LARGE1: variants seen among roughly 807,000 people sequenced by gnomAD.
LARGE1 encodes the protein xylosyl- and glucuronyltransferase LARGE1.
LARGE1 carries 43 observed loss-of-function variants against 87.6 expected under a neutral mutation model. The observed-to-expected ratio is 0.49, with a 90% confidence interval of 0.38 to 0.63. The LOEUF is 0.63. Among genes scored for constraint, LARGE1 ranks in the 30% least tolerant of loss-of-function variants. The pLI, the probability that LARGE1 is intolerant of heterozygous loss-of-function variation, is 0.00. For missense variants in LARGE1, 802 were observed against 1,000.2 expected, an observed-to-expected ratio of 0.80 and a Z score of 2.67; for synonymous variants, 434 against 394.6, an observed-to-expected ratio of 1.10 and a Z score of -1.18.
intron 1 of LARGE1, among the ~76,000 whole-genome samples, chr22:33,847,417 T>C (rs1203246150): frequency 6.6e-6 from 1 of 152,240 alleles, no homozygotes; most frequent in Non-Finnish European, 1.5e-5. Flanking sequence ...TCAACTACCA[T>C]TGTTCTGAAA....
At chr22:33,527,599 T>G (rs1050171369) in intron 6 of LARGE1, among the ~76,000 whole-genome samples, 1 of 152,092 alleles carries the variant, frequency 6.6e-6, no homozygotes. Context: ...CCTGCATCGG[T>G]GTGACACCCA....
chr22:33,350,512 T>A (rs1056812982), intron 9 of LARGE1, among the ~76,000 whole-genome samples: 2 of 152,132 alleles, frequency 1.3e-5, no homozygotes, highest in African/African-American at 4.8e-5. Context: ...ATCCCACCTC[T>A]AGAGGTTGGC....
At chr22:33,712,503 C>T (rs537290803) in intron 2 of LARGE1, among the ~76,000 whole-genome samples, 1 of 152,152 alleles carries the variant, frequency 6.6e-6, no homozygotes, top group Non-Finnish European at 1.5e-5. Context: ...TCACACAGTC[C>T]ACTCCATCAT....
At chr22:33,743,013 G>A (rs1254478905) in intron 2 of LARGE1, 1 of 152,046 alleles carries the variant, frequency 6.6e-6, no homozygotes, top group Non-Finnish European at 1.5e-5. Flanking sequence ...TTCTCTTGGT[G>A]CGATCCTTGT....
intron 9 of LARGE1, among the ~76,000 whole-genome samples, chr22:33,346,295 C>T (rs561756170): frequency 7.0e-6 from 1 of 143,646 alleles, no homozygotes; most frequent in Admixed American, 7.0e-5. Flanking sequence ...CCTCCTCCTC[C>T]TTCTTCTTTT....
rs1024759698 is a variant in LARGE1, at chr22:33,369,851, G to A, written c.1131+12068C>T. On this transcript the variant is annotated intron_variant, in intron 9 of 14. Transcript: ENST00000397394. ...CCCAAAGTGCTAGGATTACAGGCGT[G>A]AGCCACTGTGCCTGGCCTAAATCAG... Among the ~76,000 whole-genome samples, 7 of 152,126 alleles carry A rather than the reference G, an allele frequency of 4.6e-5. No homozygotes were observed. The South Asian group carries it at 1.2e-3, about 27-fold the overall frequency.
At chr22:33,219,365 T>C (rs1925354743) in intron 11 of LARGE1, among the ~76,000 whole-genome samples, 1 of 152,238 alleles carries the variant, frequency 6.6e-6, no homozygotes, top group Non-Finnish European at 1.5e-5. Flanking sequence ...GTAAAACATG[T>C]AGACATGGGA....
At chr22:33,775,850 T>TAAAA (rs2085218135) in intron 1 of LARGE1, among the ~76,000 whole-genome samples, 1 of 74,416 alleles carries the variant, frequency 1.3e-5, no homozygotes, top group African/African-American at 7.3e-5. Flanking sequence ...AGTCACTGTC[T>TAAAA]TAAAAAAAAA....
chr22:33,098,021 T>C, the LARGE1 span, among the ~76,000 whole-genome samples: 1 of 152,210 alleles, frequency 6.6e-6, no homozygotes, highest in Non-Finnish European at 1.5e-5. Context: ...TAGTAAAATA[T>C]ATAAGCCAGG....
chr22:33,843,020 T>C (rs996009831), intron 1 of LARGE1, among the ~76,000 whole-genome samples: 5 of 152,116 alleles, frequency 3.3e-5, no homozygotes, highest in African/African-American at 1.2e-4. Flanking sequence ...GGGGGTCCTG[T>C]CTATGTTGTT....
At chr22:33,679,172 T>C (rs1405855459) in intron 2 of LARGE1, among the ~76,000 whole-genome samples, 6 of 152,182 alleles carry the variant, frequency 3.9e-5, no homozygotes, top group Admixed American at 3.9e-4. Context: ...TCTAGAACAG[T>C]GCCTGACTCA....
intron 1 of LARGE1, among the ~76,000 whole-genome samples, chr22:33,906,104 T>C (rs1337361596): frequency 1.3e-5 from 2 of 152,126 alleles, no homozygotes; most frequent in African/African-American, 4.8e-5. Context: ...CACTCCGGCC[T>C]GGGCAACGGA....
At chr22:33,817,963 C>T (rs868133736) in intron 1 of LARGE1, among the ~76,000 whole-genome samples, 1 of 152,036 alleles carries the variant, frequency 6.6e-6, no homozygotes, top group African/African-American at 2.4e-5. Context: ...AACAGGGTAG[C>T]ATGGTGGTGC....
At chr22:33,397,210 G>T (rs897936612) in intron 7 of LARGE1, among the ~76,000 whole-genome samples, 1 of 152,022 alleles carries the variant, frequency 6.6e-6, no homozygotes, top group African/African-American at 2.4e-5. Flanking sequence ...CTGCCTCCTG[G>T]GTCCAAGCAA....
At chr22:33,410,476 A>T (rs939658646) in intron 7 of LARGE1, among the ~76,000 whole-genome samples, 12 of 151,890 alleles carry the variant, frequency 7.9e-5, no homozygotes, top group African/African-American at 2.9e-4. Context: ...GTGAGTTCTC[A>T]CGAGATCTGA....
intron 2 of LARGE1, among the ~76,000 whole-genome samples, chr22:33,735,623 A>C (rs956798067): frequency 8.5e-5 from 13 of 152,290 alleles, no homozygotes; most frequent in African/African-American, 2.9e-4. Flanking sequence ...AGCTCCATTT[A>C]TCTTCTTTAA....
intron 6 of LARGE1, among the ~76,000 whole-genome samples, chr22:33,468,180 CT>C (rs2068693190): frequency 6.6e-6 from 1 of 152,178 alleles, no homozygotes; most frequent in South Asian, 2.1e-4. Context: ...GCATTCATTC[CT>C]TTGTTGAGGA....
At chr22:33,608,627 T>C (rs749489736) in intron 4 of LARGE1, among the ~76,000 whole-genome samples, 1 of 152,216 alleles carries the variant, frequency 6.6e-6, no homozygotes, top group African/African-American at 2.4e-5. Flanking sequence ...GGGTCCTGAA[T>C]AGATATTCCT....
intron 3 of LARGE1, among the ~76,000 whole-genome samples, chr22:33,641,642 T>A (rs2080436388): frequency 6.6e-6 from 1 of 151,726 alleles, no homozygotes; most frequent in Admixed American, 6.6e-5. Flanking sequence ...TGAAAAAAGG[T>A]TACAGGAAAT....
Sources: allele counts gnomAD v4.1 joint callset (sites outside exome capture counted in the v4.1 genomes callset), GRCh38; gene constraint gnomAD v4.1.1; transcripts MANE v1.5; gene names NCBI Gene and HGNC (gene_info 2026-07-23, HGNC 2026-07-21).